Variants in NELL1 observed in about 807,000 individuals in gnomAD.
NELL1 encodes protein kinase C-binding protein NELL1.
In NELL1, 76 loss-of-function variants were observed where a neutral mutation model predicts 107.4. That is an observed-to-expected ratio of 0.71 (90% CI 0.59 to 0.86). NELL1 has a LOEUF of 0.86. Ranked by LOEUF, NELL1 falls within the 40% of genes least tolerant of loss-of-function variation. The probability of loss-of-function intolerance (pLI) is 0.00; values close to 1 mark genes in which losing one functional copy is unlikely to be tolerated. For missense variants in NELL1, 1,024 were observed against 1,005.5 expected, an observed-to-expected ratio of 1.02 and a Z score of -0.25; for synonymous variants, 353 against 341.2, an observed-to-expected ratio of 1.03 and a Z score of -0.38.
At chr11:21,550,956 A>T (rs1348770955) in intron 16 of NELL1, among the ~76,000 whole-genome samples, 3 of 151,168 alleles carry the variant, frequency 2.0e-5, no homozygotes, top group Non-Finnish European at 4.4e-5. Context: ...CACGATGTTG[A>T]TTCTTCCTAC....
intron 15 of NELL1, among the ~76,000 whole-genome samples, chr11:21,476,721 T>C (rs1590961838): frequency 6.6e-6 from 1 of 152,100 alleles, no homozygotes; most frequent in African/African-American, 2.4e-5. Flanking sequence ...AGTCTTGAAT[T>C]GCTAATGCCA....
At chr11:20,688,894 C>A (rs371386399) in intron 2 of NELL1, among the ~76,000 whole-genome samples, 2 of 152,052 alleles carry the variant, frequency 1.3e-5, no homozygotes, top group African/African-American at 4.8e-5. Context: ...TGCAGCCTCA[C>A]GAACATCTGG....
chr11:21,369,568 G>A (rs1269182594), intron 14 of NELL1, among the ~76,000 whole-genome samples: 3 of 151,902 alleles, frequency 2.0e-5, no homozygotes, highest in African/African-American at 7.2e-5. Flanking sequence ...TACGTATTTG[G>A]AATAGTGTTC....
At chr11:20,726,489 T>C (rs1855511641) in intron 2 of NELL1, among the ~76,000 whole-genome samples, 1 of 152,106 alleles carries the variant, frequency 6.6e-6, no homozygotes. Context: ...TAGTTTTGCA[T>C]AGTATTGAAC....
chr11:20,802,235 T>C (rs1404265563), intron 3 of NELL1, among the ~76,000 whole-genome samples: 3 of 152,194 alleles, frequency 2.0e-5, no homozygotes, highest in Non-Finnish European at 2.9e-5. Flanking sequence ...GTTTTTCCAT[T>C]TGTGTGTGTT....
At chr11:21,222,767 A>G (rs1362867463) in intron 13 of NELL1, among the ~76,000 whole-genome samples, 1 of 152,026 alleles carries the variant, frequency 6.6e-6, no homozygotes, top group African/African-American at 2.4e-5. Context: ...TATGATTTCC[A>G]TCTTAATTTC....
At chr11:21,562,463 C>A (rs975989049) in intron 17 of NELL1, among the ~76,000 whole-genome samples, 4 of 151,982 alleles carry the variant, frequency 2.6e-5, no homozygotes, top group African/African-American at 9.7e-5. Context: ...ATTTATAGCA[C>A]AGTTTCCCAG....
intron 2 of NELL1, among the ~76,000 whole-genome samples, chr11:20,688,265 T>G (rs1417530279): frequency 6.6e-6 from 1 of 152,132 alleles, no homozygotes; most frequent in Non-Finnish European, 1.5e-5. Flanking sequence ...AGAGGGTACA[T>G]GTGCAGATTT....
At chr11:21,039,299 T>A (rs1483160027) in intron 12 of NELL1, among the ~76,000 whole-genome samples, 3 of 152,008 alleles carry the variant, frequency 2.0e-5, no homozygotes, top group Non-Finnish European at 1.5e-5. Flanking sequence ...AATTCTCCTG[T>A]CTCAGCCTCC....
At chr11:21,518,632 G>A (rs1205002338) in intron 15 of NELL1, among the ~76,000 whole-genome samples, 2 of 152,180 alleles carry the variant, frequency 1.3e-5, no homozygotes, top group Admixed American at 6.5e-5. Context: ...AATGGCATAA[G>A]GGAAGAAGTG....
intron 14 of NELL1, among the ~76,000 whole-genome samples, chr11:21,272,416 T>C (rs888301351): frequency 9.8e-5 from 15 of 152,304 alleles, no homozygotes; most frequent in African/African-American, 3.4e-4. Context: ...AAGCTCGAAC[T>C]GGGTGGAGCC....
chr11:21,039,791 A>T (rs1298355093), intron 12 of NELL1, among the ~76,000 whole-genome samples: 1 of 152,154 alleles, frequency 6.6e-6, no homozygotes, highest in Non-Finnish European at 1.5e-5. Context: ...GAGGGTAGGA[A>T]TTCCCAAAGG....
Position 21,352,912 on chromosome 11 carries a change from G to GCCT in NELL1, c.1550-17941_1550-17940insCCT, listed in dbSNP as rs557315042. Among the ~76,000 whole-genome samples the GCCT allele has an allele frequency of 3.5e-3, 539 of 152,152 alleles. 5 individuals carry two copies. Among genetic ancestry groups the GCCT allele is most frequent in the African/African-American group, 0.012 (489 of 41,518 alleles). On this transcript the variant is annotated intron_variant, in intron 14 of 19. Transcript: ENST00000357134. ...CACTTCTTTTTGTCCCTCTTACCTGGGTACTCTGTGCCTGTCCTTTCTTTG... is the reference window on the plus strand; with the variant it reads ...CACTTCTTTTTGTCCCTCTTACCTGGCCTGTACTCTGTGCCTGTCCTTTCTTTG...
chr11:21,209,055 A>G (rs1590735537), intron 13 of NELL1, among the ~76,000 whole-genome samples: 2 of 152,154 alleles, frequency 1.3e-5, no homozygotes, highest in South Asian at 4.1e-4. Context: ...CCAGAACTGT[A>G]GTGGGATCCT....
chr11:21,008,501 A>G (rs530724058), intron 12 of NELL1, among the ~76,000 whole-genome samples: 1 of 152,250 alleles, frequency 6.6e-6, no homozygotes, highest in South Asian at 2.1e-4. Flanking sequence ...CAGGCGCTGT[A>G]TTATAGTAAT....
chr11:20,941,549 A>T (rs879120313), intron 10 of NELL1, among the ~76,000 whole-genome samples: 3 of 151,816 alleles, frequency 2.0e-5, no homozygotes, highest in Admixed American at 2.0e-4. Context: ...TTTTCTCCTC[A>T]CCATTCCCAC....
At chr11:21,048,699 C>A (rs1462066003) in intron 12 of NELL1, among the ~76,000 whole-genome samples, 1 of 152,120 alleles carries the variant, frequency 6.6e-6, no homozygotes, top group Non-Finnish European at 1.5e-5. Context: ...CACTGTTTAC[C>A]AACTACCTTA....
At chr11:21,006,814 G>GTC (rs926307196) in intron 12 of NELL1, among the ~76,000 whole-genome samples, 3 of 152,060 alleles carry the variant, frequency 2.0e-5, no homozygotes, top group African/African-American at 7.2e-5. Flanking sequence ...CAAGACTGTT[G>GTC]TCTCTGACAA....
chr11:20,895,504 C>CTTTT (rs71063675), intron 5 of NELL1, among the ~76,000 whole-genome samples: 2,790 of 99,952 alleles, frequency 0.028, 220 homozygotes, highest in Middle Eastern at 0.049. Context: ...TGATATTTGC[C>CTTTT]TTTTTTTTTT....
Sources: allele counts gnomAD v4.1 joint callset (sites outside exome capture counted in the v4.1 genomes callset), GRCh38; gene constraint gnomAD v4.1.1; transcripts MANE v1.5; gene names NCBI Gene and HGNC (gene_info 2026-07-23, HGNC 2026-07-21).